DCAF11: variants seen among roughly 807,000 people sequenced by gnomAD.
DCAF11 encodes the protein DDB1- and CUL4-associated factor 11.
Under a neutral mutation model 76.1 loss-of-function variants are expected in DCAF11, and 44 were observed. The observed-to-expected ratio is 0.58, with a 90% CI of 0.45 to 0.74. The LOEUF is 0.74. Ranked by LOEUF, DCAF11 falls within the 30% of genes least tolerant of loss-of-function variation. The pLI is 0.00. For synonymous variants in DCAF11, 258 were observed against 255.0 expected (o/e 1.01, Z -0.11); for missense variants, 604 against 709.4 (o/e 0.85, Z 1.69).
In DCAF11 at chr14:24,114,858, C is replaced by T. The variant is rs2037503196; in HGVS notation, c.-649C>T. The T allele has an allele frequency of 2.0e-6, 2 of 985,930 alleles. No homozygotes were observed. The highest frequency in any genetic ancestry group is 2.4e-6 in the Non-Finnish European group (2 of 829,958). The allele number at this position is 985,930 out of a possible 1,614,324, so 61.1% of individuals were successfully genotyped here. ...GCGTGACGGAGGAGCGGTTGGCCAA[C>T]GCAGTGGCGGCAGTCGGTGTAAACA... On this transcript the variant is annotated 5_prime_UTR_variant, in exon 1 of 15. The change creates a new upstream start codon in the 5' untranslated region. Transcript: ENST00000446197.
intron 7 of DCAF11, 102 bp downstream of exon 7, chr14:24,118,636 A>G: frequency 6.3e-7 from 1 of 1,593,212 alleles, no homozygotes; most frequent in Admixed American, 1.7e-5. Context: ...TCCTGGGAAA[A>G]TCACTCCCAA....
intron 8 of DCAF11, 58 bp downstream of exon 8, chr14:24,118,862 G>A (rs1444861399): frequency 3.2e-6 from 5 of 1,578,386 alleles, no homozygotes; most frequent in African/African-American, 1.4e-5. Flanking sequence ...AAGCTCTTTG[G>A]GAGCAAACCT....
At chr14:24,116,891 C>A in intron 2 of DCAF11, 26 bp from the exon 3 acceptor site, 1 of 1,613,836 alleles carries the variant, frequency 6.2e-7, no homozygotes, top group South Asian at 1.1e-5. Context: ...GAAGTCCCCT[C>A]CTTTATAATG....
At position 24,117,094 on chromosome 14, in the gene DCAF11, T is replaced by C. The variant is rs1281601927; in HGVS notation, c.283+50T>C. On this transcript the variant is annotated intron_variant, in intron 3 of 14. Coordinates refer to ENST00000446197, the MANE Select transcript of DCAF11 (RefSeq NM_025230.5). This position sits in a 1 kb window ranked among gnomAD's most constrained non-coding sequence, Gnocchi z 4.3. Reference sequence around the variant, plus strand: ...GGAAGACTTTTACTAGAAAACCTTTTAGTGATATTTTGAATGATAGGTTAC... The same window carrying C: ...GGAAGACTTTTACTAGAAAACCTTTCAGTGATATTTTGAATGATAGGTTAC... The C allele has an allele frequency of 6.2e-7, 1 of 1,613,228 alleles. No individual in the cohort carries two copies. Among genetic ancestry groups the C allele is most frequent in the Non-Finnish European group, 8.5e-7 (1 of 1,179,480 alleles).
In DCAF11 at chr14:24,115,446, A is replaced by G. The variant is rs1276051563; in HGVS notation, c.-149A>G. On this transcript the variant is annotated 5_prime_UTR_variant, in exon 2 of 15. Transcript: ENST00000446197. ...GCATAGGCTAAAGAAAAGGGATCTC[A>G]GCCCCGAGGAAGGGTCACCCTCCTA... The G allele has an allele frequency of 3.5e-6, 4 of 1,147,126 alleles. No individual in the cohort carries two copies. The highest frequency in any genetic ancestry group is 4.8e-6 in the Non-Finnish European group (4 of 831,110). 71.1% of individuals were successfully genotyped at this position (1,147,126 alleles called of 1,614,324 possible).
At chr14:24,116,622 C>G (rs1250836080) in intron 2 of DCAF11, among the ~76,000 whole-genome samples, 1 of 152,154 alleles carries the variant, frequency 6.6e-6, no homozygotes, top group Non-Finnish European at 1.5e-5. Flanking sequence ...TAGGTCATGT[C>G]CACAGCGTAT....
rs763281894 is a variant in DCAF11, at chr14:24,118,456, G to A, written c.646G>A (p.Asp216Asn). Reference protein sequence around the residue: ...FRKFKSIKARDVGWSVLDVAF... With the variant: ...FRKFKSIKARNVGWSVLDVAF... ...TAAATTCAAGAGCATCAAGGCCCGC[G>A]ACGTAGGCTGGAGCGTCTTGGATGT... The change falls in exon 7 of 15, where the codon GAC becomes AAC. Residue 216 changes from aspartate (D) to asparagine (N), a missense_variant. Physicochemically the swap from Asp to Asn is conservative, Grantham distance 23. Coordinates refer to ENST00000446197, the MANE Select transcript of DCAF11 (RefSeq NM_025230.5). 1.5e-5 allele frequency: 25 copies of A among 1,614,176 alleles called. No homozygotes were observed. The highest frequency in any genetic ancestry group is 6.7e-5 in the African/African-American group (5 of 75,050).
chr14:24,119,073 C>G, intron 8 of DCAF11, 72 bp from the exon 9 acceptor site: 1 of 1,591,998 alleles, frequency 6.3e-7, no homozygotes, highest in Non-Finnish European at 8.6e-7. Context: ...GCCTTACAAC[C>G]GTTGTCAGAT....
At chr14:24,122,173 AAG>A (rs1357528159) in intron 13 of DCAF11, 2 of 150,010 alleles carry the variant, frequency 1.3e-5, no homozygotes, top group African/African-American at 4.9e-5. Context: ...AAAAAAAAAA[AAG>A]GTCGGGCACG....
chr14:24,119,271 G>T lies in DCAF11; in HGVS notation c.848+58G>T, dbSNP rs539759009. The T allele has an allele frequency of 4.8e-5, 77 of 1,599,210 alleles. No homozygotes were observed. The South Asian group carries it at 7.7e-4, about 16-fold the overall frequency. On this transcript the variant is annotated intron_variant, in intron 9 of 14. Coordinates refer to ENST00000446197, the MANE Select transcript of DCAF11 (RefSeq NM_025230.5). ...ACAAGATGGGGGTTCTGCCAGAGAT[G>T]AGTTCTGCTGTTACACAGATGGCAC...
rs1369609584 is a variant in DCAF11 at position 24,118,118 on chromosome 14, C to T, written c.540C>T (p.Tyr180=). The change falls in exon 6 of 15, where the codon TAC becomes TAT. Residue 180 remains tyrosine, a synonymous_variant. Coordinates refer to ENST00000446197, the MANE Select transcript of DCAF11 (RefSeq NM_025230.5). The part of the protein sequence containing the change: ...SYSQKAFCGI[Y]SKDGQIFMSA... ...CTCAGAAGGCTTTCTGTGGCATCTA[C>T]AGCAAAGATGGTCAAATATTCATGT... 6.8e-6 allele frequency: 11 copies of T among 1,613,282 alleles called. No homozygotes were observed. The highest frequency in any genetic ancestry group is 2.2e-5 in the East Asian group (1 of 44,878).
Position 24,117,892 on chromosome 14 carries a change from G to A in DCAF11, c.476+160G>A, listed in dbSNP as rs1213201183. The stretch of plus-strand genomic sequence containing the variant: ...ACAAAGTAGAAAAGTGTAGAAAATT[G>A]TAGAAATTTAGAGGATGGTGGAATG... On this transcript the variant is annotated intron_variant, in intron 5 of 14. Transcript: ENST00000446197. This position sits in a 1 kb window ranked among gnomAD's most constrained non-coding sequence, Gnocchi z 4.3. 6.6e-6 allele frequency among the ~76,000 whole-genome samples: 1 copy of A among 152,212 alleles called. No individual in the cohort carries two copies. Among genetic ancestry groups the A allele is most frequent in the Non-Finnish European group, 1.5e-5 (1 of 68,030 alleles).
At position 24,119,434 on chromosome 14, in the gene DCAF11, C is replaced by G. The variant is rs895442382; in HGVS notation, c.849-125C>G. The G allele has an allele frequency of 1.7e-5, 22 of 1,310,790 alleles. No homozygotes were observed. The African/African-American group carries it at 3.1e-4, about 18-fold the overall frequency. The allele number at this position is 1,310,790 out of a possible 1,614,324, so 81.2% of individuals were successfully genotyped here. ...AACACAGCTAACTCTTCCCCCACTT[C>G]CTGTATAAAAAGAGCAAAGGGCTTG... On this transcript the variant is annotated intron_variant, in intron 9 of 14. Coordinates refer to ENST00000446197, the MANE Select transcript of DCAF11 (RefSeq NM_025230.5).
Position 24,119,817 on chromosome 14 carries a change from G to T in DCAF11, c.1013G>T (p.Arg338Leu), listed in dbSNP as rs754042808. The change falls in exon 11 of 15, where the codon CGC becomes CTC. Residue 338 changes from arginine (R) to leucine (L), a missense_variant. Transcript: ENST00000446197. ...GCCATCTGCAAAGTGTGGGATCGAC[G>T]CACCATGCGGGAGGATGACCCCAAG... ...DDAICKVWDR[R>L]TMREDDPKPV... The T allele has an allele frequency of 6.2e-7, 1 of 1,614,058 alleles. No individual in the cohort carries two copies. Among genetic ancestry groups the T allele is most frequent in the African/African-American group, 1.3e-5 (1 of 74,930 alleles).
Position 24,120,912 on chromosome 14 carries a change from C to T in DCAF11, c.1167C>T (p.Ser389=). 1 of 1,614,202 alleles carries T rather than the reference C, an allele frequency of 6.2e-7. No homozygotes were observed. Among genetic ancestry groups the T allele is most frequent in the Non-Finnish European group, 8.5e-7 (1 of 1,180,030 alleles). The stretch of plus-strand genomic sequence containing the variant: ...TCTGGGATATCCGACGCTTTTCCAG[C>T]CGGGAAGGCATGGAAGCTTCACGCC... ...IKLWDIRRFS[S]REGMEASRQA... is the part of the protein sequence containing the mutation. Residue 389 remains serine (S), a synonymous_variant, in exon 12 of 15, where the codon AGC becomes AGT. Coordinates refer to ENST00000446197, the MANE Select transcript of DCAF11 (RefSeq NM_025230.5).
Position 24,115,554 on chromosome 14 carries a change from AG to A in DCAF11, c.-39del. 2 of 1,573,608 alleles carry A rather than the reference AG, an allele frequency of 1.3e-6. No individual in the cohort carries two copies. The highest frequency in any genetic ancestry group is 1.7e-6 in the Non-Finnish European group (2 of 1,160,434). On this transcript the variant is annotated 5_prime_UTR_variant, in exon 2 of 15. Transcript: ENST00000446197. ...TCACCAAACCCAAGGAGGTGACAGG[AG>A]GAGCCCCCGCACAGGACCTAAGAAT...
intron 12 of DCAF11, 39 bp downstream of exon 12, chr14:24,121,030 G>A (rs1464432247): frequency 6.2e-7 from 1 of 1,608,814 alleles, no homozygotes; most frequent in Non-Finnish European, 8.5e-7. Context: ...TTTGTCTGTA[G>A]CCTGGGAGCC....
rs1379576663 is a variant in DCAF11 at position 24,118,523 on chromosome 14, G to C, written c.713G>C (p.Trp238Ser). 6.2e-7 allele frequency: 1 copy of C among 1,614,064 alleles called. No individual in the cohort carries two copies. Among genetic ancestry groups the C allele is most frequent in the Admixed American group, 1.7e-5 (1 of 60,000 alleles). ...PDGNHFLYSS[W>S]SDYIHICNIY... is the part of the protein sequence containing the mutation. ...GGGAACCACTTCCTCTACTCTAGCT[G>C]GTCTGATTACAGTGAGTATGCACCA... is the stretch of plus-strand genomic sequence containing the variant. Residue 238 changes from tryptophan to serine, a missense_variant, in exon 7 of 15, where the codon TGG (tryptophan) becomes TCG (serine). By Grantham distance (177) the Trp-to-Ser change is radical. Transcript: ENST00000446197.
intron 12 of DCAF11, 94 bp downstream of exon 12, chr14:24,121,085 T>G: frequency 6.6e-7 from 1 of 1,509,698 alleles, no homozygotes; most frequent in Non-Finnish European, 8.9e-7. Flanking sequence ...CATTAACTCT[T>G]TATTTGCTAA....
Sources: gnomAD v4.1 joint callset for allele counts (sites outside exome capture counted in the v4.1 genomes callset) on GRCh38, gnomAD v4.1.1 for gene constraint, Gnocchi (gnomAD v3.1) non-coding constraint, MANE v1.5 for transcripts, NCBI Gene and HGNC (gene_info 2026-07-23, HGNC 2026-07-21) for gene names.